Variants in ITK observed in about 807,000 individuals in gnomAD.
ITK encodes the protein tyrosine-protein kinase ITK/TSK.
In ITK, 45 loss-of-function variants were observed where a neutral mutation model predicts 87.6. The observed-to-expected ratio is 0.51, with a 90% CI of 0.40 to 0.66. The LOEUF is 0.66. Ranked by LOEUF, ITK falls within the 30% of genes least tolerant of loss-of-function variation. The pLI is 0.00. For synonymous variants in ITK, 303 were observed against 273.6 expected, an observed-to-expected ratio of 1.11 and a Z score of -1.06; for missense variants, 605 against 766.3, an observed-to-expected ratio of 0.79 and a Z score of 2.48.
chr5:157,231,825 C>A (rs1056339190), intron 7 of ITK, among the ~76,000 whole-genome samples: 2 of 152,122 alleles, frequency 1.3e-5, no homozygotes, highest in Non-Finnish European at 1.5e-5. Flanking sequence ...TCTGGAAGAG[C>A]AGTCTTAAAG....
chr5:157,201,348 A>G (rs1753970280), intron 1 of ITK, among the ~76,000 whole-genome samples: 1 of 134,642 alleles, frequency 7.4e-6, no homozygotes, highest in Non-Finnish European at 1.5e-5. Context: ...CCCAGGCTGG[A>G]GTACAGTGGC....
intron 13 of ITK, 41 bp from the exon 14 acceptor site, chr5:157,245,685 C>T (rs1473294549): frequency 1.9e-6 from 3 of 1,548,800 alleles, no homozygotes; most frequent in Middle Eastern, 3.4e-4. Flanking sequence ...GACTCATCAA[C>T]AGTTTTCCTC....
chr5:157,246,981 T>G (rs1384436331), intron 15 of ITK, among the ~76,000 whole-genome samples: 3 of 152,224 alleles, frequency 2.0e-5, no homozygotes, highest in Non-Finnish European at 4.4e-5. Context: ...AAGTCATAGT[T>G]TGTGCATACT....
chr5:157,240,608 G>A (rs1315286603), intron 10 of ITK: 2 of 243,762 alleles, frequency 8.2e-6, no homozygotes, highest in East Asian at 1.0e-4. Context: ...TTGGTCCATG[G>A]TTGTATAGGA....
Position 157,253,177 on chromosome 5 carries a change from AG to A in ITK, c.*500del, listed in dbSNP as rs771688937. The A allele has an allele frequency of 9.1e-5, 26 of 286,806 alleles. No individual in the cohort carries two copies. The highest frequency in any genetic ancestry group is 1.3e-4 in the Non-Finnish European group (20 of 148,370). The allele number at this position is 286,806 out of a possible 1,614,324, so 17.8% of individuals were successfully genotyped here. On this transcript the variant is annotated 3_prime_UTR_variant, in exon 17 of 17. Transcript: ENST00000422843. ...TCCAAGAAAACTGGTGAGTTAAGTA[AG>A]ATTAGAGTGAGTGTGCTCTGTTGCT... is the stretch of plus-strand genomic sequence containing the variant.
intron 3 of ITK, among the ~76,000 whole-genome samples, chr5:157,213,340 C>T (rs1429333052): frequency 6.6e-6 from 1 of 152,230 alleles, no homozygotes; most frequent in Non-Finnish European, 1.5e-5. Context: ...ACGCAGGAAT[C>T]ATGGAGATTA....
chr5:157,186,618 G>GT, intron 1 of ITK, among the ~76,000 whole-genome samples: 1 of 152,086 alleles, frequency 6.6e-6, no homozygotes, highest in African/African-American at 2.4e-5. Flanking sequence ...AGAGGTTGCA[G>GT]AGAGCCAAGA....
At chr5:157,210,970 A>AT (rs1405173586) in intron 2 of ITK, among the ~76,000 whole-genome samples, 1 of 151,890 alleles carries the variant, frequency 6.6e-6, no homozygotes, top group Non-Finnish European at 1.5e-5. Context: ...TGCCAGAAAT[A>AT]TTTTTTTAAT....
At chr5:157,210,714 T>A (rs1462682723) in intron 2 of ITK, among the ~76,000 whole-genome samples, 2 of 93,268 alleles carry the variant, frequency 2.1e-5, no homozygotes, top group African/African-American at 8.9e-5. Flanking sequence ...CCCACCACAG[T>A]CCCCAGAGTG....
At chr5:157,237,193 C>T (rs1754793870) in intron 8 of ITK, among the ~76,000 whole-genome samples, 2 of 152,192 alleles carry the variant, frequency 1.3e-5, no homozygotes, top group African/African-American at 4.8e-5. Flanking sequence ...CACATGTACA[C>T]CATGGGGTAA....
chr5:157,206,886 G>T (rs1294771567), intron 1 of ITK, among the ~76,000 whole-genome samples: 1 of 151,686 alleles, frequency 6.6e-6, no homozygotes, highest in Non-Finnish European at 1.5e-5. Context: ...AATCTCCTTT[G>T]GTTCAGCTCT....
At chr5:157,204,158 A>G (rs976637653) in intron 1 of ITK, among the ~76,000 whole-genome samples, 3 of 152,156 alleles carry the variant, frequency 2.0e-5, no homozygotes, top group African/African-American at 7.2e-5. Flanking sequence ...CTACAGGTGC[A>G]CACCATGAGG....
At chr5:157,234,454 G>A (rs1754735309) in intron 8 of ITK, among the ~76,000 whole-genome samples, 1 of 152,136 alleles carries the variant, frequency 6.6e-6, no homozygotes, top group African/African-American at 2.4e-5. Flanking sequence ...AACAATAGCT[G>A]TATTATTTCT....
chr5:157,189,814 A>C (rs528996274), intron 1 of ITK, among the ~76,000 whole-genome samples: 1 of 152,256 alleles, frequency 6.6e-6, no homozygotes, highest in Admixed American at 6.5e-5. Flanking sequence ...GCAAATGTTC[A>C]TGGACCAAAT....
chr5:157,244,752 T>C (rs1754987662), intron 13 of ITK: 1 of 427,180 alleles, frequency 2.3e-6, no homozygotes, highest in Non-Finnish European at 4.4e-6. Context: ...TCTTAACCTC[T>C]CTGTGACTCA....
Position 157,234,269 on chromosome 5 carries a change from A to C in ITK, c.768+1875A>C, listed in dbSNP as rs569194704. Among the ~76,000 whole-genome samples the C allele has an allele frequency of 1.3e-3, 202 of 152,148 alleles. 1 individual carries two copies. The highest frequency in any genetic ancestry group is 4.6e-3 in the African/African-American group (191 of 41,538). Reference sequence around the variant, plus strand: ...AGTGCTGGGATTACAGGCATGAGCCACCACGCCCAGCCTCCTTACTAATAT... The same window carrying C: ...AGTGCTGGGATTACAGGCATGAGCCCCCACGCCCAGCCTCCTTACTAATAT... On this transcript the variant is annotated intron_variant, in intron 8 of 16. Coordinates refer to ENST00000422843, the MANE Select transcript of ITK (RefSeq NM_005546.4).
At position 157,211,328 on chromosome 5, in the gene ITK, T is replaced by A; in HGVS notation, c.285T>A (p.Asp95Glu). The A allele has an allele frequency of 6.2e-7, 1 of 1,614,056 alleles. No homozygotes were observed. Among genetic ancestry groups the A allele is most frequent in the Non-Finnish European group, 8.5e-7 (1 of 1,179,944 alleles). Residue 95 changes from aspartate to glutamate, a missense_variant, in exon 3 of 17, where the codon GAT becomes GAA. Asp to Glu is a conservative substitution (Grantham distance 45, BLOSUM62 2). Around this residue, in one of 3 missense-constraint regions of ITK, gnomAD observed 464 missense variants for 578.0 expected, o/e 0.80. Coordinates refer to ENST00000422843, the MANE Select transcript of ITK (RefSeq NM_005546.4). ...ACCTCCTATATGTGTTTGCTCCAGA[T>A]CGTGAGAGCCGGCAGCGCTGGGTGC... The part of the protein sequence containing the change: ...DNYLLYVFAP[D>E]RESRQRWVLA...
chr5:157,236,374 TAA>T (rs35365324), intron 8 of ITK, among the ~76,000 whole-genome samples: 2,330 of 146,358 alleles, frequency 0.016, 47 homozygotes, highest in African/African-American at 0.05. Flanking sequence ...GACTCCATCT[TAA>T]AAAAAAAAAA....
chr5:157,207,049 AT>A (rs1450549554), intron 1 of ITK, among the ~76,000 whole-genome samples: 1 of 152,186 alleles, frequency 6.6e-6, no homozygotes, highest in East Asian at 1.9e-4. Flanking sequence ...AAAAACTAAT[AT>A]GCAATATATT....
Sources: allele counts gnomAD v4.1 joint callset (sites outside exome capture counted in the v4.1 genomes callset), GRCh38; gene constraint gnomAD v4.1.1; regional missense constraint gnomAD v4.1.1; transcripts MANE v1.5; gene names NCBI Gene and HGNC (gene_info 2026-07-23, HGNC 2026-07-21).